The following GSE1 variants were observed in gnomAD, a reference collection of about 807,000 sequenced individuals.
GSE1 encodes genetic suppressor element 1.
A neutral mutation model predicts 112.6 loss-of-function variants in GSE1; 32 were observed. The observed-to-expected ratio is 0.28, with a 90% CI of 0.21 to 0.38. The LOEUF is 0.38. GSE1 is among the 10% of genes least tolerant of loss of function. GSE1 has a pLI of 1.00. For missense variants in GSE1, 2,348 were observed against 1,699.2 expected (o/e 1.38, Z -6.71); for synonymous variants, 1,115 against 735.6 (o/e 1.52, Z -8.35).
intron 2 of GSE1, among the ~76,000 whole-genome samples, chr16:85,515,049 G>A (rs1466886388): frequency 1.3e-5 from 2 of 152,350 alleles, no homozygotes; most frequent in Admixed American, 1.3e-4. Context: ...GTGTGCATGT[G>A]TGTGTATGAA....
At chr16:85,391,936 T>G (rs867340975) in intron 2 of GSE1, among the ~76,000 whole-genome samples, 96 of 152,192 alleles carry the variant, frequency 6.3e-4, no homozygotes, top group Admixed American at 7.9e-4. Flanking sequence ...AGGAGGTGGG[T>G]GTCCCCAGGA....
At position 85,614,855 on chromosome 16, in the gene GSE1, C is replaced by T. The variant is rs560943472; in HGVS notation, c.7+1457C>T. On this transcript the variant is annotated intron_variant, in intron 1 of 15. Transcript: ENST00000253458. ...GCGGGGCCACCAAATGGAAAGAGGGCTCCTTTTGTAAAAGGCGCCTGAACA... is the reference window on the plus strand; with the variant it reads ...GCGGGGCCACCAAATGGAAAGAGGGTTCCTTTTGTAAAAGGCGCCTGAACA... Among the ~76,000 whole-genome samples the T allele has an allele frequency of 2.1e-3, 316 of 152,314 alleles. 1 individual carries two copies. Among genetic ancestry groups the T allele is most frequent in the Non-Finnish European group, 3.5e-3 (240 of 68,030 alleles).
upstream of GSE1, chr16:85,613,099 T>TGCGCGC (rs151022476): frequency 8.2e-4 from 649 of 795,484 alleles, 28 homozygotes; most frequent in Admixed American, 0.027. Flanking sequence ...CGCCCGTCGG[T>TGCGCGC]GCGCGCGCGC....
intron 2 of GSE1, among the ~76,000 whole-genome samples, chr16:85,478,524 CA>C (rs112620422): frequency 0.17 from 19,276 of 113,342 alleles, 1,659 homozygotes; most frequent in East Asian, 0.32. Flanking sequence ...GAAACTGTCT[CA>C]AAAAAAAAAA....
intron 1 of GSE1, among the ~76,000 whole-genome samples, chr16:85,213,687 C>G (rs1163434873): frequency 6.6e-6 from 1 of 152,256 alleles, no homozygotes; most frequent in Non-Finnish European, 1.5e-5. Flanking sequence ...AGCCCAGAGT[C>G]TAGAGCCTGG....
chr16:85,194,620 T>C (rs1367177575), intron 1 of GSE1, among the ~76,000 whole-genome samples: 1 of 152,110 alleles, frequency 6.6e-6, no homozygotes, highest in Non-Finnish European at 1.5e-5. Context: ...GGATTTTTTT[T>C]CCCCCTTGCT....
chr16:85,551,412 C>T (rs574233334), upstream of GSE1, among the ~76,000 whole-genome samples: 48 of 152,286 alleles, frequency 3.2e-4, no homozygotes, highest in South Asian at 6.2e-4. Flanking sequence ...GCTGCAGCTC[C>T]CCTGGGAATG....
chr16:85,391,842 A>G (rs968285631), intron 2 of GSE1, among the ~76,000 whole-genome samples: 2 of 152,180 alleles, frequency 1.3e-5, no homozygotes, highest in Admixed American at 6.5e-5. Flanking sequence ...AGATGGCTCT[A>G]TAGAACCCTG....
chr16:85,180,567 C>T (rs1427787170), intron 1 of GSE1, among the ~76,000 whole-genome samples: 4 of 152,242 alleles, frequency 2.6e-5, no homozygotes, highest in Non-Finnish European at 5.9e-5. Context: ...GCCTGCATTG[C>T]CCCACGTGAC....
At chr16:85,400,808 A>G (rs2048093212) in intron 2 of GSE1, among the ~76,000 whole-genome samples, 1 of 18,264 alleles carries the variant, frequency 5.5e-5, no homozygotes. Context: ...TCTCTGTATG[A>G]TTTTGTGTCT....
chr16:85,608,178 AGAG>A (rs919287757), upstream of GSE1, among the ~76,000 whole-genome samples: 3 of 152,164 alleles, frequency 2.0e-5, no homozygotes, highest in Admixed American at 6.5e-5. Flanking sequence ...GGAAACAGAA[AGAG>A]GAGGGTGGAA....
At chr16:85,274,335 A>G (rs1909147167) in intron 1 of GSE1, among the ~76,000 whole-genome samples, 2 of 152,136 alleles carry the variant, frequency 1.3e-5, no homozygotes, top group South Asian at 4.1e-4. Flanking sequence ...CAGTGAGCTG[A>G]GATCACGCCA....
rs1022003084 is a variant in GSE1 at position 85,224,475 on chromosome 16, A to G, written c.2283+52668A>G. Reference sequence around the variant, plus strand: ...TGGTTCCAGTTCGGGTTTATAGCTTAGTTCAGTTGGAGCCTGACTCTCTAG... The same window carrying G: ...TGGTTCCAGTTCGGGTTTATAGCTTGGTTCAGTTGGAGCCTGACTCTCTAG... On this transcript the variant is annotated intron_variant, in intron 1 of 2. Transcript: ENST00000637419. Among the ~76,000 whole-genome samples the G allele has an allele frequency of 3.9e-5, 6 of 152,150 alleles. No homozygotes were observed. The East Asian group carries it at 1.2e-3, about 29-fold the overall frequency.
intron 1 of GSE1, among the ~76,000 whole-genome samples, chr16:85,572,688 C>T (rs550614707): frequency 6.6e-6 from 1 of 152,326 alleles, no homozygotes; most frequent in East Asian, 1.9e-4. Flanking sequence ...CCCAGTTCTC[C>T]TCCCTCGGTT....
At chr16:85,621,217 C>G (rs1387581472) in intron 1 of GSE1, among the ~76,000 whole-genome samples, 2 of 149,116 alleles carry the variant, frequency 1.3e-5, no homozygotes, top group East Asian at 2.1e-4. Context: ...GGCCCTGGGT[C>G]TCTGCTGTGT....
intron 2 of GSE1, among the ~76,000 whole-genome samples, chr16:85,431,938 T>C (rs1360049141): frequency 6.6e-6 from 1 of 152,192 alleles, no homozygotes; most frequent in East Asian, 1.9e-4. Context: ...GATTAATGAG[T>C]GGCGGGGCTG....
intron 1 of GSE1, among the ~76,000 whole-genome samples, chr16:85,627,044 C>CTTTTTT (rs564272210): frequency 0.01 from 255 of 25,064 alleles, 42 homozygotes; most frequent in East Asian, 0.04. Flanking sequence ...TTCTTCTTGC[C>CTTTTTT]TTTTTTTTTT....
intron 3 of GSE1, among the ~76,000 whole-genome samples, chr16:85,653,070 C>G (rs1212826368): frequency 6.6e-6 from 1 of 150,596 alleles, no homozygotes. Context: ...GCTGTCCCCA[C>G]ATGGGGAAGA....
rs1828778424 is a variant in GSE1, at chr16:85,269,697, G to T, written c.2284-87766G>T. ...CCCACCTTGAAGCCCAAGCCATGGGGAAGGGGCTCCCAGTGTCCCCAAAGA... is the reference window on the plus strand; with the variant it reads ...CCCACCTTGAAGCCCAAGCCATGGGTAAGGGGCTCCCAGTGTCCCCAAAGA... On this transcript the variant is annotated intron_variant, in intron 1 of 2. Transcript: ENST00000637419. 1.3e-5 allele frequency among the ~76,000 whole-genome samples: 2 copies of T among 149,146 alleles called. 1 individual carries two copies. The highest frequency in any genetic ancestry group is 1.3e-4 in the Admixed American group (2 of 15,002).
Sources: gnomAD v4.1 joint callset for allele counts (sites outside exome capture counted in the v4.1 genomes callset) on GRCh38, gnomAD v4.1.1 for gene constraint, MANE v1.5 for transcripts, NCBI Gene and HGNC (gene_info 2026-07-23, HGNC 2026-07-21) for gene names.